PPARG: variants seen among roughly 807,000 people sequenced by gnomAD.
The protein encoded by PPARG is peroxisome proliferator-activated receptor gamma.
In PPARG, 17 loss-of-function variants were observed where a neutral mutation model predicts 39.2. The observed-to-expected ratio is 0.43, with a 90% CI of 0.30 to 0.65. The LOEUF is 0.65. PPARG is among the 30% of genes least tolerant of loss of function. The pLI is 0.13. For synonymous variants in PPARG, 223 were observed against 215.7 expected (o/e 1.03, Z -0.30); for missense variants, 406 against 585.9 (o/e 0.69, Z 3.17).
chr3:12,427,981 T>C (rs781463143), intron 7 of PPARG, among the ~76,000 whole-genome samples: 2 of 152,148 alleles, frequency 1.3e-5, no homozygotes, highest in Non-Finnish European at 2.9e-5. Context: ...AGAGAGCCAA[T>C]AGGGAAAGAT....
intron 7 of PPARG, among the ~76,000 whole-genome samples, chr3:12,420,681 A>G (rs1008841326): frequency 6.6e-6 from 1 of 152,168 alleles, no homozygotes; most frequent in Non-Finnish European, 1.5e-5. Context: ...CAAAGAGGAG[A>G]TTTTTAGATG....
At chr3:12,329,816 GT>G (rs1453823542) in intron 2 of PPARG, among the ~76,000 whole-genome samples, 1 of 152,040 alleles carries the variant, frequency 6.6e-6, no homozygotes, top group Non-Finnish European at 1.5e-5. Flanking sequence ...CCCAGCCCTG[GT>G]TATCTCTGTT....
At chr3:12,314,861 A>G (rs1475204611) in intron 2 of PPARG, among the ~76,000 whole-genome samples, 1 of 152,224 alleles carries the variant, frequency 6.6e-6, no homozygotes, top group Non-Finnish European at 1.5e-5. Context: ...GTACATATTT[A>G]TGTGGTACAG....
At chr3:12,403,184 G>T (rs9837916) in intron 5 of PPARG, among the ~76,000 whole-genome samples, 151,283 of 151,286 alleles carry the variant, frequency 1, 75,640 homozygotes, top group Middle Eastern at 1. Flanking sequence ...TCCTAGCTAC[G>T]CAGGAGGCTG....
chr3:12,433,614 G>A (rs1426298865), intron 7 of PPARG, among the ~76,000 whole-genome samples: 1 of 152,036 alleles, frequency 6.6e-6, no homozygotes, highest in Non-Finnish European at 1.5e-5. Flanking sequence ...CTTCATTTGG[G>A]GAACAGGATT....
chr3:12,424,205 G>A (rs1296145556), intron 7 of PPARG, among the ~76,000 whole-genome samples: 5 of 152,204 alleles, frequency 3.3e-5, no homozygotes, highest in Non-Finnish European at 7.3e-5. Context: ...AGCTGGGGGC[G>A]GGGATAGAAT....
At chr3:12,383,837 A>G (rs2049773501) in intron 4 of PPARG, among the ~76,000 whole-genome samples, 1 of 152,070 alleles carries the variant, frequency 6.6e-6, no homozygotes, top group Non-Finnish European at 1.5e-5. Context: ...AGCAGGGAAG[A>G]AGAGTAGCAA....
intron 4 of PPARG, among the ~76,000 whole-genome samples, chr3:12,385,658 A>G (rs1382550040): frequency 6.6e-6 from 1 of 152,242 alleles, no homozygotes; most frequent in East Asian, 1.9e-4. Context: ...CATACAATAC[A>G]ATGTAATCTA....
chr3:12,426,282 C>A (rs748548918), intron 7 of PPARG, among the ~76,000 whole-genome samples: 1 of 152,250 alleles, frequency 6.6e-6, no homozygotes, highest in African/African-American at 2.4e-5. Context: ...AGCGAAGGCT[C>A]TACCAGCAAC....
chr3:12,397,317 T>C (rs1039690620), intron 5 of PPARG, among the ~76,000 whole-genome samples: 1 of 150,838 alleles, frequency 6.6e-6, no homozygotes, highest in African/African-American at 2.4e-5. Context: ...CTCTAGTGTA[T>C]ATTGAGAAAA....
At chr3:12,374,739 G>A (rs2049345561) in intron 2 of PPARG, among the ~76,000 whole-genome samples, 1 of 152,122 alleles carries the variant, frequency 6.6e-6, no homozygotes. Flanking sequence ...TGTGCAAGGT[G>A]TTAGTAATAG....
chr3:12,428,502 C>T (rs2051536997), intron 7 of PPARG, among the ~76,000 whole-genome samples: 1 of 152,254 alleles, frequency 6.6e-6, no homozygotes, highest in Non-Finnish European at 1.5e-5. Flanking sequence ...GGGAGAGGAT[C>T]TCAGGTGGGC....
chr3:12,342,058 A>G (rs2048198696), intron 2 of PPARG, among the ~76,000 whole-genome samples: 1 of 152,218 alleles, frequency 6.6e-6, no homozygotes, highest in African/African-American at 2.4e-5. Context: ...ACTTAGTGGT[A>G]GATTTTACCA....
chr3:12,419,217 T>G (rs563064481), intron 7 of PPARG, among the ~76,000 whole-genome samples: 5 of 152,214 alleles, frequency 3.3e-5, no homozygotes, highest in African/African-American at 4.8e-5. Flanking sequence ...AGTGCTGGGA[T>G]TATAAGCATG....
chr3:12,361,546 T>TA (rs1377842570), intron 2 of PPARG, among the ~76,000 whole-genome samples: 1 of 152,234 alleles, frequency 6.6e-6, no homozygotes, highest in African/African-American at 2.4e-5. Flanking sequence ...GGCAAGGGTT[T>TA]ATCTCTTTCA....
chr3:12,324,613 A>G (rs1179458129), intron 2 of PPARG, among the ~76,000 whole-genome samples: 5 of 152,154 alleles, frequency 3.3e-5, no homozygotes, highest in African/African-American at 7.2e-5. Context: ...GGACCATTCT[A>G]TAATACTGTG....
At chr3:12,381,916 G>GTTTGTTTA (rs2049680617) in intron 4 of PPARG, among the ~76,000 whole-genome samples, 1 of 152,050 alleles carries the variant, frequency 6.6e-6, no homozygotes, top group African/African-American at 2.4e-5. Context: ...TTCTCTAGTT[G>GTTTGTTTA]TTTATTTATT....
rs80176760 is a variant in PPARG at position 12,428,611 on chromosome 3, G to A, written c.1181-5287G>A. Among the ~76,000 whole-genome samples the A allele has an allele frequency of 2.0e-3, 305 of 152,362 alleles. 1 individual carries two copies. The highest frequency in any genetic ancestry group is 6.8e-3 in the African/African-American group (283 of 41,592). ...CTGGGTATTTGGATGGATTTCTGTGGCACAACTGTGGCACCTGGCTTAGCT... is the reference window on the plus strand; with the variant it reads ...CTGGGTATTTGGATGGATTTCTGTGACACAACTGTGGCACCTGGCTTAGCT... On this transcript the variant is annotated intron_variant, in intron 7 of 7. Coordinates refer to ENST00000651735, the MANE Select transcript of PPARG (RefSeq NM_138711.6).
intron 5 of PPARG, among the ~76,000 whole-genome samples, chr3:12,396,651 G>A (rs1287352271): frequency 6.6e-6 from 1 of 151,548 alleles, no homozygotes; most frequent in Non-Finnish European, 1.5e-5. Context: ...TCAGCTACTC[G>A]GGAGTCTGGA....
Sources: allele counts gnomAD v4.1 joint callset (sites outside exome capture counted in the v4.1 genomes callset), GRCh38; gene constraint gnomAD v4.1.1; transcripts MANE v1.5; gene names NCBI Gene and HGNC (gene_info 2026-07-23, HGNC 2026-07-21).